The following DNAH12 variants were observed in gnomAD, a reference collection of about 807,000 sequenced individuals.
DNAH12 encodes the protein axonemal beta dynein heavy chain 12.
In DNAH12, 285 loss-of-function variants were observed where a neutral mutation model predicts 371.5. The ratio of observed to expected loss-of-function variants is 0.77; its 90% CI spans 0.70 to 0.85. The LOEUF is 0.85. DNAH12 is among the 40% of genes least tolerant of loss of function. The probability of loss-of-function intolerance (pLI) is 0.00; values close to 1 mark genes in which losing one functional copy is unlikely to be tolerated. For missense variants in DNAH12, 3,611 were observed against 3,689.4 expected (o/e 0.98, Z 0.55); for synonymous variants, 1,200 against 1,213.0 (o/e 0.99, Z 0.22).
intron 17 of DNAH12, among the ~76,000 whole-genome samples, chr3:57,464,209 G>A (rs1358976903): frequency 1.3e-5 from 2 of 152,012 alleles, no homozygotes; most frequent in Non-Finnish European, 2.9e-5. Flanking sequence ...CTGTGGACAA[G>A]CAGAGACAAA....
chr3:57,393,644 A>G (rs1163567716), intron 44 of DNAH12, among the ~76,000 whole-genome samples: 6 of 142,346 alleles, frequency 4.2e-5, no homozygotes, highest in Non-Finnish European at 7.5e-5. Context: ...AAAAAAAAAA[A>G]AAAAAAAGAA....
chr3:57,310,678 C>A, intron 67 of DNAH12, 39 bp downstream of exon 67: 1 of 1,378,074 alleles, frequency 7.3e-7, no homozygotes, highest in Non-Finnish European at 1.0e-6. Context: ...TTAGAAAAAT[C>A]ACACATTAAT....
chr3:57,438,401 C>T (rs1014865363), intron 29 of DNAH12, among the ~76,000 whole-genome samples: 1 of 152,084 alleles, frequency 6.6e-6, no homozygotes, highest in Admixed American at 6.6e-5. Flanking sequence ...GTTTAACATA[C>T]AATCAAAACT....
chr3:57,325,643 A>C (rs1319920878), intron 62 of DNAH12, among the ~76,000 whole-genome samples: 1 of 152,208 alleles, frequency 6.6e-6, no homozygotes, highest in Admixed American at 6.5e-5. Context: ...GAAAAACTGG[A>C]AACTCTAAAA....
chr3:57,352,040 G>A, intron 60 of DNAH12, 45 bp downstream of exon 60: 1 of 1,466,276 alleles, frequency 6.8e-7, no homozygotes, highest in East Asian at 2.6e-5. Flanking sequence ...ATTTTCCAGG[G>A]AGGTTTTAAA....
intron 62 of DNAH12, among the ~76,000 whole-genome samples, chr3:57,326,291 G>A (rs1267860464): frequency 6.6e-6 from 1 of 152,048 alleles, no homozygotes; most frequent in Non-Finnish European, 1.5e-5. Context: ...AGGAAAAAAT[G>A]TTAAGGGCAG....
intron 32 of DNAH12, among the ~76,000 whole-genome samples, chr3:57,430,283 T>C (rs1575590877): frequency 1.3e-5 from 2 of 152,182 alleles, no homozygotes; most frequent in South Asian, 2.1e-4. Context: ...CATCATGGCA[T>C]TTCACATTCA....
intron 4 of DNAH12, among the ~76,000 whole-genome samples, chr3:57,516,053 C>A (rs201238522): frequency 1.4e-4 from 10 of 71,982 alleles, no homozygotes; most frequent in African/African-American, 4.9e-4. Flanking sequence ...ACTGCTTAGT[C>A]TTTTTTTTTT....
At position 57,470,635 on chromosome 3, in the gene DNAH12, T is replaced by C. The variant is rs1488413859; in HGVS notation, c.1913A>G (p.Tyr638Cys). The C allele has an allele frequency of 1.3e-6, 2 of 1,521,128 alleles. No homozygotes were observed. Among genetic ancestry groups the C allele is most frequent in the Non-Finnish European group, 8.8e-7 (1 of 1,140,086 alleles). 94.2% of individuals were successfully genotyped at this position (1,521,128 alleles called of 1,614,324 possible). A position where few individuals can be genotyped will look rare whatever the true frequency, so the allele number is the denominator to read the frequency against. The change falls in exon 16 of 74, where the codon TAT becomes TGT. Residue 638 changes from tyrosine to cysteine, a missense_variant and splice_region_variant. Around this residue, in one of 3 missense-constraint regions of DNAH12, gnomAD observed 1,314 missense variants for 1,398.7 expected, o/e 0.94. Coordinates refer to ENST00000495027, the MANE Select transcript of DNAH12 (RefSeq NM_001366028.2). Reference protein sequence around the residue: ...EFAELERMQQYVTDVRQLQKR... With the variant: ...EFAELERMQQCVTDVRQLQKR... ...TTGTAGTTGTCTTACATCTGTCACA[T>C]ACTGAAAGTAAATAAGTTTTTTGTC...
intron 25 of DNAH12, among the ~76,000 whole-genome samples, chr3:57,448,618 T>G (rs1178000137): frequency 6.6e-6 from 1 of 152,192 alleles, no homozygotes; most frequent in Non-Finnish European, 1.5e-5. Flanking sequence ...CCGACCATGT[T>G]GCCAATGCTG....
intron 37 of DNAH12, among the ~76,000 whole-genome samples, chr3:57,418,224 A>G (rs867931965): frequency 1.4e-4 from 22 of 151,766 alleles, no homozygotes; most frequent in Admixed American, 4.6e-4. Flanking sequence ...TACTTATTTA[A>G]AAGTATTATT....
intron 55 of DNAH12, among the ~76,000 whole-genome samples, chr3:57,371,064 G>C (rs2063159850): frequency 1.3e-5 from 2 of 152,114 alleles, no homozygotes; most frequent in Admixed American, 1.3e-4. Context: ...TACAGGTTTA[G>C]GATATAAATT....
At chr3:57,455,032 T>A in intron 22 of DNAH12, 138 bp from the exon 23 acceptor site, 1 of 777,134 alleles carries the variant, frequency 1.3e-6, no homozygotes, top group Non-Finnish European at 1.8e-6. Flanking sequence ...GTTAAATGAC[T>A]AAAAGACTCC....
chr3:57,435,330 C>T (rs962709992), intron 30 of DNAH12, among the ~76,000 whole-genome samples: 3 of 140,896 alleles, frequency 2.1e-5, no homozygotes, highest in Non-Finnish European at 4.5e-5. Context: ...CAAGATCTTG[C>T]CACTGCATTC....
intron 30 of DNAH12, among the ~76,000 whole-genome samples, chr3:57,436,619 C>T (rs1216190156): frequency 6.6e-6 from 1 of 152,208 alleles, no homozygotes; most frequent in Non-Finnish European, 1.5e-5. Flanking sequence ...GGCTACCATG[C>T]ATCGTCACCT....
chr3:57,540,200 G>A (rs1326394811), intron 2 of DNAH12, among the ~76,000 whole-genome samples: 1 of 151,910 alleles, frequency 6.6e-6, no homozygotes, highest in African/African-American at 2.4e-5. Context: ...ACAGATGCCC[G>A]CCAAGACGCC....
chr3:57,453,453 A>G, intron 23 of DNAH12, 50 bp from the exon 24 acceptor site: 1 of 1,405,346 alleles, frequency 7.1e-7, no homozygotes, highest in East Asian at 2.5e-5. Context: ...TCATACTTAA[A>G]ACATGTATTT....
intron 29 of DNAH12, among the ~76,000 whole-genome samples, chr3:57,441,813 A>G (rs2065314982): frequency 6.6e-6 from 1 of 152,028 alleles, no homozygotes; most frequent in African/African-American, 2.4e-5. Context: ...GAAAAAGTAA[A>G]TTTTCTGGCA....
At chr3:57,353,246 C>T (rs1432570713) in intron 59 of DNAH12, among the ~76,000 whole-genome samples, 2 of 151,646 alleles carry the variant, frequency 1.3e-5, no homozygotes, top group Admixed American at 6.6e-5. Flanking sequence ...AAATGTAATA[C>T]TTATGGGAAT....
Sources: gnomAD v4.1 joint callset for allele counts (sites outside exome capture counted in the v4.1 genomes callset) on GRCh38, gnomAD v4.1.1 for gene constraint, gnomAD v4.1.1 regional missense constraint, MANE v1.5 for transcripts, NCBI Gene and HGNC (gene_info 2026-07-23, HGNC 2026-07-21) for gene names.